Variants in CALN1 observed in about 807,000 individuals in gnomAD.
CALN1 encodes calcium-binding protein 8.
In CALN1, 17 loss-of-function variants were observed where a neutral mutation model predicts 30.6. That is an observed-to-expected ratio of 0.56 (90% CI 0.38 to 0.83). The LOEUF (loss-of-function observed/expected upper bound fraction) is 0.83. CALN1 is among the 40% of genes least tolerant of loss of function. CALN1 has a pLI of 0.00. For missense variants in CALN1, 291 were observed against 354.9 expected (o/e 0.82, Z 1.45); for synonymous variants, 156 against 131.4 (o/e 1.19, Z -1.28).
intron 2 of CALN1, among the ~76,000 whole-genome samples, chr7:72,318,625 C>T (rs996007983): frequency 1.3e-5 from 2 of 151,014 alleles, no homozygotes; most frequent in African/African-American, 4.9e-5. Flanking sequence ...ACTGCAGCCT[C>T]GAACTCCTGG....
At chr7:71,892,324 C>T (rs1793288167) in intron 5 of CALN1, among the ~76,000 whole-genome samples, 1 of 152,110 alleles carries the variant, frequency 6.6e-6, no homozygotes, top group South Asian at 2.1e-4. Flanking sequence ...TATTGAGATT[C>T]TAGTATTTTT....
chr7:71,896,829 G>A (rs1213557347), intron 5 of CALN1, among the ~76,000 whole-genome samples: 2 of 152,240 alleles, frequency 1.3e-5, no homozygotes, highest in Admixed American at 6.5e-5. Context: ...CAGAGCTGCA[G>A]TTCCCTGATA....
At chr7:71,901,313 T>C (rs552069811) in intron 5 of CALN1, among the ~76,000 whole-genome samples, 1 of 152,190 alleles carries the variant, frequency 6.6e-6, no homozygotes, top group Non-Finnish European at 1.5e-5. Flanking sequence ...AAAGAATCTG[T>C]ATCATTGGAA....
intron 1 of CALN1, among the ~76,000 whole-genome samples, chr7:72,440,469 C>T (rs934139514): frequency 1.3e-5 from 2 of 152,114 alleles, no homozygotes; most frequent in African/African-American, 4.8e-5. Flanking sequence ...GAGGATCACT[C>T]GAGGCCAGGA....
chr7:71,982,574 A>G lies in CALN1; in HGVS notation c.501+41083T>C, dbSNP rs1361959511. ...ACGCCATTGCACTCCAGCCTGGGCC[A>G]TAGGAGTGAAACTCTGTCGCAAAAC... On this transcript the variant is annotated intron_variant, in intron 5 of 6. Transcript: ENST00000395275. Among the ~76,000 whole-genome samples the G allele has an allele frequency of 2.0e-5, 3 of 152,358 alleles. No individual in the cohort carries two copies. The East Asian group carries it at 5.8e-4, about 29-fold the overall frequency.
At chr7:71,936,989 G>A (rs1022990992) in intron 5 of CALN1, among the ~76,000 whole-genome samples, 3 of 152,130 alleles carry the variant, frequency 2.0e-5, no homozygotes, top group African/African-American at 7.2e-5. Flanking sequence ...GGCCTCCCCA[G>A]CCATGTGGAA....
At chr7:72,204,642 G>T (rs118080053) in intron 3 of CALN1, among the ~76,000 whole-genome samples, 1 of 152,112 alleles carries the variant, frequency 6.6e-6, no homozygotes, top group Non-Finnish European at 1.5e-5. Flanking sequence ...ATCTGTGCCT[G>T]TTTCCTCATG....
intron 3 of CALN1, among the ~76,000 whole-genome samples, chr7:72,266,522 C>T (rs1346541940): frequency 6.6e-6 from 1 of 152,120 alleles, no homozygotes; most frequent in Non-Finnish European, 1.5e-5. Context: ...CAATGTGTTC[C>T]TTTAAGGGGC....
intron 2 of CALN1, among the ~76,000 whole-genome samples, chr7:72,354,885 ATTTC>A (rs1803133019): frequency 1.3e-5 from 2 of 150,036 alleles, no homozygotes; most frequent in South Asian, 2.1e-4. Flanking sequence ...GTAAGCAAAA[ATTTC>A]TTTTTTTTTT....
rs34092922 is a variant in CALN1 at position 72,028,058 on chromosome 7, CAAAAAAAAAAAA to C, written c.389-4301_389-4290del. On this transcript the variant is annotated intron_variant, in intron 4 of 6. Coordinates refer to ENST00000395275, the MANE Select transcript of CALN1 (RefSeq NM_031468.4). Reference sequence around the variant, plus strand: ...TGGGCGACAGAGCGAGACTCCGTCTCAAAAAAAAAAAAAAAAAAAAAAAAAAACACATGAGAC... The same window carrying C: ...TGGGCGACAGAGCGAGACTCCGTCTCAAAAAAAAAAAAAAACACATGAGAC... 3.1e-4 allele frequency among the ~76,000 whole-genome samples: 26 copies of C among 82,872 alleles called. No individual in the cohort carries two copies. In the East Asian group the frequency reaches 6.3e-3, roughly 20 times the overall value. The allele number at this position is 82,872 out of a possible 152,430, so 54.4% of individuals were successfully genotyped here.
At chr7:72,185,646 T>G (rs907446360) in intron 3 of CALN1, among the ~76,000 whole-genome samples, 3 of 152,192 alleles carry the variant, frequency 2.0e-5, no homozygotes, top group Non-Finnish European at 4.4e-5. Context: ...CATCTTGAAT[T>G]GTACTCCCAT....
At chr7:71,823,781 A>T (rs1341731860) in intron 5 of CALN1, among the ~76,000 whole-genome samples, 1 of 152,052 alleles carries the variant, frequency 6.6e-6, no homozygotes, top group Non-Finnish European at 1.5e-5. Context: ...GAAAAGGAAA[A>T]AGAGGCTTAA....
At chr7:72,279,911 G>A (rs501383) in intron 2 of CALN1, among the ~76,000 whole-genome samples, 30,761 of 152,028 alleles carry the variant, frequency 0.2, 4,488 homozygotes, top group East Asian at 0.43. Context: ...TCAATCACAA[G>A]GAGTGGGTAG....
At chr7:72,363,435 C>T (rs374067035) in intron 2 of CALN1, among the ~76,000 whole-genome samples, 21 of 152,012 alleles carry the variant, frequency 1.4e-4, no homozygotes, top group East Asian at 5.8e-4. Flanking sequence ...GAAGGGGTTT[C>T]GCCATGTTGG....
chr7:72,503,872 T>G, the CALN1 span, among the ~76,000 whole-genome samples: 1 of 152,122 alleles, frequency 6.6e-6, no homozygotes, highest in South Asian at 2.1e-4. Flanking sequence ...ACACCGTCAG[T>G]CAAGGCGAGA....
rs1476697245 is a variant in CALN1, at chr7:72,235,190, C to A, written c.244+43496G>T. On this transcript the variant is annotated intron_variant, in intron 3 of 6. Transcript: ENST00000395275. ...TAGGGAGGCTGAGGTGGGAGGATCA[C>A]ATGAGCCCAGGAGTTGGAGGCCACA... Among the ~76,000 whole-genome samples, 10 of 152,060 alleles carry A rather than the reference C, an allele frequency of 6.6e-5. No homozygotes were observed. The East Asian group carries it at 1.7e-3, about 26-fold the overall frequency.
chr7:72,404,642 C>T (rs527519085), intron 1 of CALN1, among the ~76,000 whole-genome samples: 1 of 152,136 alleles, frequency 6.6e-6, no homozygotes, highest in Non-Finnish European at 1.5e-5. Flanking sequence ...AACATTGTAT[C>T]CTGGGAAGAG....
intron 2 of CALN1, among the ~76,000 whole-genome samples, chr7:72,396,464 A>G (rs1376119765): frequency 6.6e-6 from 1 of 151,354 alleles, no homozygotes; most frequent in Non-Finnish European, 1.5e-5. Flanking sequence ...GAAATAGAGC[A>G]ATGTATGCAA....
At chr7:72,232,020 T>G (rs764000649) in intron 3 of CALN1, among the ~76,000 whole-genome samples, 1 of 152,264 alleles carries the variant, frequency 6.6e-6, no homozygotes, top group South Asian at 2.1e-4. Flanking sequence ...TGTTGGGATA[T>G]TGGATGCATA....
Sources: allele counts gnomAD v4.1 joint callset (sites outside exome capture counted in the v4.1 genomes callset), GRCh38; gene constraint gnomAD v4.1.1; transcripts MANE v1.5; gene names NCBI Gene and HGNC (gene_info 2026-07-23, HGNC 2026-07-21).